Variants in CALN1 observed in about 807,000 individuals in gnomAD.
CALN1 encodes the protein calcium-binding protein 8.
Under a neutral mutation model 30.6 loss-of-function variants are expected in CALN1, and 17 were observed. The observed-to-expected ratio is 0.56, with a 90% CI of 0.38 to 0.83. CALN1 has a LOEUF of 0.83. Ranked by LOEUF, CALN1 falls within the 40% of genes least tolerant of loss-of-function variation. The pLI, the probability that CALN1 is intolerant of heterozygous loss-of-function variation, is 0.00. For synonymous variants in CALN1, 156 were observed against 131.4 expected (o/e 1.19, Z -1.28); for missense variants, 291 against 354.9 (o/e 0.82, Z 1.45).
chr7:72,043,821 G>A (rs368524737), intron 4 of CALN1, among the ~76,000 whole-genome samples: 1 of 152,130 alleles, frequency 6.6e-6, no homozygotes, highest in East Asian at 1.9e-4. Flanking sequence ...ACATGAGACT[G>A]GGCAATTTAC....
intron 3 of CALN1, among the ~76,000 whole-genome samples, chr7:72,149,116 A>G (rs1412152517): frequency 6.6e-6 from 1 of 152,096 alleles, no homozygotes; most frequent in Non-Finnish European, 1.5e-5. Context: ...TCCTCTCCAG[A>G]AGCAGATGCT....
intron 3 of CALN1, among the ~76,000 whole-genome samples, chr7:72,186,765 G>A (rs1230050333): frequency 6.6e-6 from 1 of 151,852 alleles, no homozygotes; most frequent in Non-Finnish European, 1.5e-5. Context: ...CAGTTGTGTA[G>A]TATTCTATGG....
rs139889386 is a variant in CALN1 at position 71,913,365 on chromosome 7, T to C, written c.502-102873A>G. Among the ~76,000 whole-genome samples the C allele has an allele frequency of 3.3e-5, 5 of 152,232 alleles. No homozygotes were observed. In the East Asian group the frequency reaches 9.7e-4, roughly 30 times the overall value. ...AGCTGGCTTCTGAAACCTCCTTTAG[T>C]GGCAAATTCTTCAAAAGATCAGAGG... is the stretch of plus-strand genomic sequence containing the variant. On this transcript the variant is annotated intron_variant, in intron 5 of 6. Transcript: ENST00000395275.
chr7:72,138,407 T>C (rs1271599047), intron 3 of CALN1, among the ~76,000 whole-genome samples: 2 of 152,188 alleles, frequency 1.3e-5, no homozygotes, highest in Admixed American at 6.5e-5. Flanking sequence ...CTCTCCATGC[T>C]GGGGAGCATT....
At chr7:71,995,744 C>G (rs1264855945) in intron 5 of CALN1, among the ~76,000 whole-genome samples, 1 of 151,938 alleles carries the variant, frequency 6.6e-6, no homozygotes, top group Non-Finnish European at 1.5e-5. Context: ...TATAACACGA[C>G]AGCCCCAGCA....
chr7:72,140,358 G>GGGA (rs1809830190), intron 3 of CALN1, among the ~76,000 whole-genome samples: 1 of 136,244 alleles, frequency 7.3e-6, no homozygotes. Context: ...GAGGGAGGGA[G>GGGA]GGAGGGAGGG....
intron 3 of CALN1, among the ~76,000 whole-genome samples, chr7:72,268,475 A>G (rs983504746): frequency 2.6e-5 from 4 of 152,216 alleles, no homozygotes; most frequent in Non-Finnish European, 4.4e-5. Context: ...AATGGTTGAC[A>G]ATTTTAACTA....
At chr7:71,805,146 G>A (rs1787531294) in intron 6 of CALN1, among the ~76,000 whole-genome samples, 1 of 152,096 alleles carries the variant, frequency 6.6e-6, no homozygotes, top group African/African-American at 2.4e-5. Flanking sequence ...GATTCTTTAA[G>A]TTCCATCTCT....
intron 6 of CALN1, among the ~76,000 whole-genome samples, chr7:71,804,321 T>C (rs1298803919): frequency 6.6e-6 from 1 of 151,796 alleles, no homozygotes; most frequent in African/African-American, 2.4e-5. Context: ...ACAGGCTGGG[T>C]GACACAGCAA....
chr7:72,480,499 T>A, the CALN1 span, among the ~76,000 whole-genome samples: 2 of 152,220 alleles, frequency 1.3e-5, no homozygotes, highest in African/African-American at 2.4e-5. Flanking sequence ...ATTTTGGTAT[T>A]AGAGTAATGA....
rs1034014808 is a variant in CALN1, at chr7:72,403,250, C to A, written c.119+1G>T. On this transcript the variant is annotated splice_donor_variant, in intron 2 of 6. Transcript: ENST00000395275. LOFTEE classifies it high-confidence loss of function. ...CTTGGGTTTGGGGGAAGAAGACTTG[C>A]CAGGTGGGGAAGTCGGGGGCCTGGC... is the stretch of plus-strand genomic sequence containing the variant. 2 of 1,548,104 alleles carry A rather than the reference C, an allele frequency of 1.3e-6. No homozygotes were observed. The highest frequency in any genetic ancestry group is 1.7e-6 in the Non-Finnish European group (2 of 1,146,234).
intron 6 of CALN1, among the ~76,000 whole-genome samples, chr7:71,804,309 G>C (rs1787478955): frequency 6.6e-6 from 1 of 152,120 alleles, no homozygotes; most frequent in South Asian, 2.1e-4. Flanking sequence ...ATGAGTTCAA[G>C]AACAGGCTGG....
At chr7:72,283,960 A>C (rs1470576830) in intron 2 of CALN1, among the ~76,000 whole-genome samples, 3 of 152,230 alleles carry the variant, frequency 2.0e-5, no homozygotes, top group Non-Finnish European at 4.4e-5. Flanking sequence ...GTTCCTGTTA[A>C]TGGGGTCAAG....
At chr7:72,278,554 T>G (rs1797515314) in intron 3 of CALN1, 132 bp downstream of exon 3, 1 of 1,232,482 alleles carries the variant, frequency 8.1e-7, no homozygotes, top group Admixed American at 2.1e-5. Flanking sequence ...TCTTTCCCAT[T>G]ATGCCATGGC....
chr7:72,206,136 T>C (rs1292693746), intron 3 of CALN1, among the ~76,000 whole-genome samples: 2 of 152,212 alleles, frequency 1.3e-5, no homozygotes, highest in Non-Finnish European at 2.9e-5. Context: ...CGTAATGGGC[T>C]CTTCACAGCC....
chr7:72,405,386 C>T (rs1338010875), intron 1 of CALN1, among the ~76,000 whole-genome samples: 2 of 152,188 alleles, frequency 1.3e-5, no homozygotes, highest in African/African-American at 2.4e-5. Flanking sequence ...TCTAGCATAG[C>T]TTGGGAGGTC....
At chr7:72,148,347 C>A (rs1786936885) in intron 3 of CALN1, among the ~76,000 whole-genome samples, 1 of 149,604 alleles carries the variant, frequency 6.7e-6, no homozygotes, top group South Asian at 2.1e-4. Flanking sequence ...GTGGGAGGAT[C>A]ACTTGAGCCC....
chr7:72,087,548 T>C (rs1024633348), intron 4 of CALN1, among the ~76,000 whole-genome samples: 1 of 152,116 alleles, frequency 6.6e-6, no homozygotes, highest in Admixed American at 6.5e-5. Flanking sequence ...AACTAAAAGA[T>C]GTCACATCAG....
chr7:71,901,773 C>A (rs573533852), intron 5 of CALN1, among the ~76,000 whole-genome samples: 31 of 152,028 alleles, frequency 2.0e-4, no homozygotes, highest in African/African-American at 6.7e-4. Flanking sequence ...AACTCAAGAT[C>A]GATTAAAGAC....
Sources: gnomAD v4.1 joint callset for allele counts (sites outside exome capture counted in the v4.1 genomes callset) on GRCh38, gnomAD v4.1.1 for gene constraint, MANE v1.5 for transcripts, NCBI Gene and HGNC (gene_info 2026-07-23, HGNC 2026-07-21) for gene names.